Variants in RPE65 observed in about 807,000 individuals in gnomAD.
The protein encoded by RPE65 is retinoid isomerohydrolase RPE65.
Under a neutral mutation model 68.5 loss-of-function variants are expected in RPE65, and 58 were observed. The observed-to-expected ratio is 0.85, with a 90% CI of 0.69 to 1.05. RPE65 has a LOEUF of 1.05. Among genes scored for constraint, RPE65 ranks in the 50% least tolerant of loss-of-function variants. The pLI, the probability that RPE65 is intolerant of heterozygous loss-of-function variation, is 0.00. For synonymous variants in RPE65, 220 were observed against 222.2 expected, an observed-to-expected ratio of 0.99 and a Z score of 0.09; for missense variants, 643 against 629.9, an observed-to-expected ratio of 1.02 and a Z score of -0.22.
Position 68,438,223 on chromosome 1 carries a change from T to C in RPE65, c.1092A>G (p.Glu364=), listed in dbSNP as rs751860030. ...TCAAAGGAAGTACATATCTCCTAAC[T>C]TCAGGTTGGGGAGCCTTTCTGGCAT... ...KKNARKAPQP[E]VRRYVLPLNI... is the part of the protein sequence containing the mutation. The change falls in exon 10 of 14, where the codon GAA becomes GAG. Residue 364 remains glutamate, a synonymous_variant. Transcript: ENST00000262340. The C allele has an allele frequency of 1.9e-6, 3 of 1,614,002 alleles. No individual in the cohort carries two copies. The highest frequency in any genetic ancestry group is 1.7e-5 in the Admixed American group (1 of 60,004).
rs62653011 is a variant in RPE65, at chr1:68,438,213, A to G, written c.1102T>C (p.Tyr368His). 1.4e-4 allele frequency: 228 copies of G among 1,613,874 alleles called. No individual in the cohort carries two copies. Among genetic ancestry groups the G allele is most frequent in the Non-Finnish European group, 1.9e-4 (223 of 1,179,938 alleles). The change falls in exon 10 of 14, where the codon TAT becomes CAT. Residue 368 changes from tyrosine to histidine, a missense_variant. By Grantham distance (83) the Tyr-to-His change is moderately conservative. Transcript: ENST00000262340. ...RKAPQPEVRRYVLPLNIDKAD... is the reference protein window; with the variant it reads ...RKAPQPEVRRHVLPLNIDKAD... ...TTGTCAATATTCAAAGGAAGTACAT[A>G]TCTCCTAACTTCAGGTTGGGGAGCC...
intron 5 of RPE65, among the ~76,000 whole-genome samples, chr1:68,442,939 A>AT (rs373247343): frequency 1.3e-5 from 2 of 151,808 alleles, no homozygotes; most frequent in Non-Finnish European, 2.9e-5. Context: ...TGTTGAGACT[A>AT]TTTTTTTTCT....
Position 68,431,069 on chromosome 1 carries a change from ATCT to A in RPE65, c.1443_1445del (p.Glu481del), listed in dbSNP as rs1557595745. 2.2e-5 allele frequency: 36 copies of A among 1,612,934 alleles called. No homozygotes were observed. Among genetic ancestry groups the A allele is most frequent in the Non-Finnish European group, 3.0e-5 (35 of 1,179,000 alleles). ...CACAACAATTGCTTTCATTACCATC[ATCT>A]TCTTCCAAGGCATCTGGGTGAGAAA... On this transcript the variant is annotated inframe_deletion, in exon 13 of 14. Transcript: ENST00000262340.
At position 68,439,684 on chromosome 1, in the gene RPE65, A is replaced by AT. The variant is rs61752894; in HGVS notation, c.644-43dup. 6.3e-3 allele frequency: 7,961 copies of AT among 1,259,218 alleles called. 3 individuals carry two copies. Among genetic ancestry groups the AT allele is most frequent in the African/African-American group, 9.0e-3 (590 of 65,290 alleles). The allele number at this position is 1,259,218 out of a possible 1,614,324, so 78.0% of individuals were successfully genotyped here. A position where few individuals can be genotyped will look rare whatever the true frequency, so the allele number is the denominator to read the frequency against. ...TTAAAAGGCTTTGGAAGAGCCTCTTATTTTTTTTTTAATACAAAGCATTTA... is the reference window on the plus strand; with the variant it reads ...TTAAAAGGCTTTGGAAGAGCCTCTTATTTTTTTTTTTAATACAAAGCATTTA... On this transcript the variant is annotated intron_variant, in intron 6 of 13. Transcript: ENST00000262340.
intron 3 of RPE65, among the ~76,000 whole-genome samples, chr1:68,446,096 T>G (rs1340311359): frequency 6.6e-6 from 1 of 152,052 alleles, no homozygotes; most frequent in Non-Finnish European, 1.5e-5. Flanking sequence ...GGGGGTTTCC[T>G]GGAATGATGA....
At chr1:68,444,455 C>T in intron 5 of RPE65, 76 bp downstream of exon 5, 1 of 1,555,064 alleles carries the variant, frequency 6.4e-7, no homozygotes, top group Non-Finnish European at 8.9e-7. Flanking sequence ...ACATTCGCAG[C>T]ATGAATAATT....
intron 13 of RPE65, among the ~76,000 whole-genome samples, chr1:68,430,183 A>G (rs1423694115): frequency 6.6e-6 from 1 of 152,134 alleles, no homozygotes; most frequent in East Asian, 1.9e-4. Context: ...CTATATCTCA[A>G]TATTCTATGA....
rs1469460289 is a variant in RPE65 at position 68,444,605 on chromosome 1, C to A, written c.421G>T (p.Glu141Ter). 3.7e-6 allele frequency: 6 copies of A among 1,614,148 alleles called. No individual in the cohort carries two copies. The highest frequency in any genetic ancestry group is 5.1e-6 in the Non-Finnish European group (6 of 1,180,010). Residue 141 changes from glutamate to a stop codon, truncating the protein, a stop_gained, in exon 5 of 14, where the codon GAA becomes TAA. Coordinates refer to ENST00000262340, the MANE Select transcript of RPE65 (RefSeq NM_000329.3). LOFTEE classifies it high-confidence loss of function. ...NALVNVYPVG[E>*]DYYACTETNF... ...GTCTCTGTGCAAGCGTAGTAATCTT[C>A]CCCCACTGGGTAGACATTAACAAGG...
Position 68,431,597 on chromosome 1 carries a change from G to C in RPE65, c.1129-12C>G, listed in dbSNP as rs372293967. ...TTGCCTGTGTCAGCCTAGGAGAGAA[G>C]ATAACAGAAACCTCAGTGAGCAGGA... On this transcript the variant is annotated splice_polypyrimidine_tract_variant and intron_variant, in intron 10 of 13. Transcript: ENST00000262340. 7 of 1,606,308 alleles carry C rather than the reference G, an allele frequency of 4.4e-6. No individual in the cohort carries two copies. Among genetic ancestry groups the C allele is most frequent in the Non-Finnish European group, 6.0e-6 (7 of 1,173,132 alleles).
chr1:68,435,748 C>G (rs1645858461), intron 10 of RPE65, among the ~76,000 whole-genome samples: 1 of 152,180 alleles, frequency 6.6e-6, no homozygotes, highest in African/African-American at 2.4e-5. Context: ...TTCCATTAAT[C>G]TCCCCTACAT....
chr1:68,431,038 T>G, intron 13 of RPE65, 27 bp downstream of exon 13: 1 of 1,567,834 alleles, frequency 6.4e-7, no homozygotes, highest in Non-Finnish European at 8.8e-7. Context: ...AAGAAGAGTA[T>G]TCAGACACAA....
At chr1:68,441,184 C>T (rs142728369) in intron 5 of RPE65, among the ~76,000 whole-genome samples, 184 bp from the exon 6 acceptor site, 3 of 152,210 alleles carry the variant, frequency 2.0e-5, no homozygotes, top group Admixed American at 2.0e-4. Flanking sequence ...AACATAATGC[C>T]CCCTCATGTG....
Position 68,443,614 on chromosome 1 carries a change from G to C in RPE65, c.495+917C>G, listed in dbSNP as rs975606429. Among the ~76,000 whole-genome samples the C allele has an allele frequency of 9.9e-5, 15 of 152,116 alleles. No homozygotes were observed. The Middle Eastern group carries it at 0.01, about 103-fold the overall frequency. On this transcript the variant is annotated intron_variant, in intron 5 of 13. Transcript: ENST00000262340. ...TTTCCCTTTAAGCCTTCTTTCACCT[G>C]TCCCACCTTGCATTGCCAACTACTT...
chr1:68,430,744 T>C (rs1381800384), intron 13 of RPE65, among the ~76,000 whole-genome samples: 1 of 152,184 alleles, frequency 6.6e-6, no homozygotes, highest in Non-Finnish European at 1.5e-5. Context: ...TTTAGAAATA[T>C]GTCTTCGTCA....
chr1:68,443,105 G>A (rs1645914840), intron 5 of RPE65, among the ~76,000 whole-genome samples: 1 of 150,030 alleles, frequency 6.7e-6, no homozygotes, highest in Non-Finnish European at 1.5e-5. Flanking sequence ...CTACTTCTTT[G>A]AGCAAAAACT....
Position 68,447,706 on chromosome 1 carries a change from G to A in RPE65, c.95-846C>T, listed in dbSNP as rs533780045. ...CTACTAAAAATACGAAAAATTAGCC[G>A]GGCGTGATGGCGGGCGCCTGTAGTC... On this transcript the variant is annotated intron_variant, in intron 2 of 13. Coordinates refer to ENST00000262340, the MANE Select transcript of RPE65 (RefSeq NM_000329.3). 9.2e-5 allele frequency among the ~76,000 whole-genome samples: 14 copies of A among 152,206 alleles called. No homozygotes were observed. In the South Asian group the frequency reaches 1.9e-3, roughly 20 times the overall value.
intron 2 of RPE65, among the ~76,000 whole-genome samples, chr1:68,448,121 T>C (rs1557604612): frequency 6.6e-6 from 1 of 152,236 alleles, no homozygotes; most frequent in Non-Finnish European, 1.5e-5. Flanking sequence ...TTTGGGTTTT[T>C]GTAGGTAAGG....
At position 68,444,679 on chromosome 1, in the gene RPE65, A is replaced by G. The variant is rs776756253; in HGVS notation, c.354-7T>C. The stretch of plus-strand genomic sequence containing the variant: ...TCGAAAGTAAGAAAAAAACCTGTAG[A>G]AACAAATGAATTTTTCAGTCCAGTA... On this transcript the variant is annotated splice_region_variant and splice_polypyrimidine_tract_variant and intron_variant, in intron 4 of 13. Transcript: ENST00000262340. 2 of 1,614,074 alleles carry G rather than the reference A, an allele frequency of 1.2e-6. No homozygotes were observed. Among genetic ancestry groups the G allele is most frequent in the African/African-American group, 2.7e-5 (2 of 74,936 alleles).
At chr1:68,429,998 A>T (rs1645814817) in intron 13 of RPE65, 71 bp from the exon 14 acceptor site, 1 of 1,576,472 alleles carries the variant, frequency 6.3e-7, no homozygotes, top group South Asian at 1.1e-5. Flanking sequence ...ATGTCATTGA[A>T]ATAATATAGG....
Sources: allele counts gnomAD v4.1 joint callset (sites outside exome capture counted in the v4.1 genomes callset), GRCh38; gene constraint gnomAD v4.1.1; transcripts MANE v1.5; gene names NCBI Gene and HGNC (gene_info 2026-07-23, HGNC 2026-07-21).